ITIH2: variants seen among roughly 807,000 people sequenced by gnomAD.
The protein encoded by ITIH2 is inter-alpha-trypsin inhibitor heavy chain H2.
In ITIH2, 103 loss-of-function variants were observed where a neutral mutation model predicts 104.4. The observed-to-expected ratio is 0.99, with a 90% CI of 0.84 to 1.16. ITIH2 has a LOEUF of 1.16. Ranked by LOEUF, ITIH2 falls within the 50% of genes most tolerant of loss-of-function variation. The probability of loss-of-function intolerance (pLI) is 0.00; values close to 1 mark genes in which losing one functional copy is unlikely to be tolerated. For missense variants in ITIH2, 1,108 were observed against 1,162.4 expected (o/e 0.95, Z 0.68); for synonymous variants, 436 against 435.4 (o/e 1.00, Z -0.02).
chr10:7,705,506 G>C (rs1235970117), intron 2 of ITIH2, among the ~76,000 whole-genome samples: 2 of 152,008 alleles, frequency 1.3e-5, no homozygotes, highest in Non-Finnish European at 2.9e-5. Context: ...AGGAGTTCCA[G>C]ATCAGCCTGG....
At chr10:7,718,309 G>A (rs78124507) in intron 6 of ITIH2, among the ~76,000 whole-genome samples, 1,576 of 152,222 alleles carry the variant, frequency 0.01, 37 homozygotes, top group African/African-American at 0.035. Flanking sequence ...GGTCCACCAG[G>A]TAGTACAGGA....
rs1283303562 is a variant in ITIH2, at chr10:7,744,889, C to G, written c.2507C>G (p.Pro836Arg). The G allele has an allele frequency of 1.2e-6, 2 of 1,613,972 alleles. No individual in the cohort carries two copies. The highest frequency in any genetic ancestry group is 1.7e-6 in the Non-Finnish European group (2 of 1,179,976). The change falls in exon 19 of 21, where the codon CCC (proline) becomes CGC (arginine). Residue 836 changes from proline to arginine, a missense_variant. Pro to Arg is a moderately radical substitution (Grantham distance 103, BLOSUM62 -2). Transcript: ENST00000358415. ...VLLHRVWKKH[P>R]VNVDFLGIYI... ...CTTCATCGTGTTTGGAAGAAGCATC[C>G]CGTCAATGTTGACTTTCTGGGAATC...
Position 7,709,012 on chromosome 10 carries a change from C to A in ITIH2, c.193-10C>A, listed in dbSNP as rs752993313. 2 of 1,611,864 alleles carry A rather than the reference C, an allele frequency of 1.2e-6. No individual in the cohort carries two copies. Among genetic ancestry groups the A allele is most frequent in the Non-Finnish European group, 8.5e-7 (1 of 1,178,228 alleles). ...CTATCAGTACAGTTATGCTTTCTTG[C>A]CAATTTCAGGAAGAGGTTGATCAAG... On this transcript the variant is annotated splice_polypyrimidine_tract_variant and intron_variant, in intron 3 of 20. Transcript: ENST00000358415.
In ITIH2 at chr10:7,726,833, A is replaced by T. The variant is rs189665347; in HGVS notation, c.985-117A>T. 27 of 864,734 alleles carry T rather than the reference A, an allele frequency of 3.1e-5. No homozygotes were observed. The East Asian group carries it at 7.0e-4, about 22-fold the overall frequency. The allele number at this position is 864,734 out of a possible 1,614,324, so 53.6% of individuals were successfully genotyped here. A position where few individuals can be genotyped will look rare whatever the true frequency, so the allele number is the denominator to read the frequency against. On this transcript the variant is annotated intron_variant, in intron 9 of 20. Coordinates refer to ENST00000358415, the MANE Select transcript of ITIH2 (RefSeq NM_002216.3). ...AGGTGGGCTCAAGAGGTTTTCTGGA[A>T]GAAGTTTAGCTTGAGAAGAACTTGA...
At position 7,746,658 on chromosome 10, in the gene ITIH2, C is replaced by T. The variant is rs1835180840; in HGVS notation, c.2647C>T (p.Pro883Ser). The T allele has an allele frequency of 3.1e-6, 5 of 1,613,764 alleles. 1 individual carries two copies. The South Asian group carries it at 4.4e-5, about 14-fold the overall frequency. The change falls in exon 20 of 21, where the codon CCA (proline) becomes TCA (serine). Residue 883 changes from proline (P) to serine (S), a missense_variant. By Grantham distance (74) the Pro-to-Ser change is moderately conservative (BLOSUM62 -1). Coordinates refer to ENST00000358415, the MANE Select transcript of ITIH2 (RefSeq NM_002216.3). ...NERPGKDPEK[P>S]EASMEVKGQK... Reference sequence around the variant, plus strand: ...GAGACCAGGAAAGGACCCTGAGAAGCCAGAGGCCAGCATGGAAGTGAAGGG... The same window carrying T: ...GAGACCAGGAAAGGACCCTGAGAAGTCAGAGGCCAGCATGGAAGTGAAGGG...
intron 4 of ITIH2, among the ~76,000 whole-genome samples, chr10:7,711,434 G>A (rs563447468): frequency 6.6e-6 from 1 of 152,280 alleles, no homozygotes; most frequent in South Asian, 2.1e-4. Flanking sequence ...GAAGATACCT[G>A]CTTAATTATC....
At chr10:7,711,100 G>A (rs1048364830) in intron 4 of ITIH2, among the ~76,000 whole-genome samples, 7 of 151,834 alleles carry the variant, frequency 4.6e-5, no homozygotes, top group African/African-American at 1.2e-4. Context: ...GCCCCCTACC[G>A]CCCGACAGGA....
intron 11 of ITIH2, among the ~76,000 whole-genome samples, chr10:7,729,620 C>T (rs1265863648): frequency 3.3e-5 from 5 of 151,756 alleles, no homozygotes; most frequent in Admixed American, 3.3e-4. Flanking sequence ...GGTATACATA[C>T]ATAAGGAGTT....
At chr10:7,726,866 C>T (rs1834955209) in intron 9 of ITIH2, 84 bp from the exon 10 acceptor site, 1 of 1,164,846 alleles carries the variant, frequency 8.6e-7, no homozygotes, top group African/African-American at 1.6e-5. Context: ...TGAAAGATGA[C>T]CAGGATCAAT....
chr10:7,735,695 C>T (rs1226281332), intron 15 of ITIH2, among the ~76,000 whole-genome samples: 1 of 128,566 alleles, frequency 7.8e-6, no homozygotes, highest in Non-Finnish European at 1.6e-5. Flanking sequence ...TTTTTTGAGA[C>T]AGAGTCTTGC....
intron 4 of ITIH2, among the ~76,000 whole-genome samples, chr10:7,709,826 C>T (rs1319290257): frequency 6.6e-6 from 1 of 152,110 alleles, no homozygotes; most frequent in African/African-American, 2.4e-5. Flanking sequence ...TTGAAGTGTT[C>T]ATAGATGAAA....
In ITIH2 at chr10:7,703,349, G is replaced by C. The variant is rs1265030217; in HGVS notation, c.-86G>C. On this transcript the variant is annotated 5_prime_UTR_variant, in exon 1 of 21. Transcript: ENST00000358415. ...TTAAAGCGAACTGTACTCCTCTGCT[G>C]TTCCTTTGAACTTGGTTCAGTAGGA... is the stretch of plus-strand genomic sequence containing the variant. 4.6e-6 allele frequency: 4 copies of C among 866,462 alleles called. No homozygotes were observed. Among genetic ancestry groups the C allele is most frequent in the Non-Finnish European group, 5.9e-6 (3 of 505,730 alleles). 53.7% of individuals were successfully genotyped at this position (866,462 alleles called of 1,614,324 possible).
intron 4 of ITIH2, among the ~76,000 whole-genome samples, chr10:7,711,019 C>T (rs1834792401): frequency 7.3e-6 from 1 of 136,920 alleles, no homozygotes; most frequent in Admixed American, 7.7e-5. Flanking sequence ...TTTGCTGCAC[C>T]TATCATCCCA....
intron 9 of ITIH2, among the ~76,000 whole-genome samples, chr10:7,723,789 T>C (rs1408067901): frequency 6.6e-6 from 1 of 152,166 alleles, no homozygotes; most frequent in Non-Finnish European, 1.5e-5. Context: ...AAAATTCCCT[T>C]CCTTCTCTTC....
At position 7,709,861 on chromosome 10, in the gene ITIH2, C is replaced by CT. The variant is rs986695371; in HGVS notation, c.362+680dup. Among the ~76,000 whole-genome samples, 324 of 149,358 alleles carry CT rather than the reference C, an allele frequency of 2.2e-3. 4 individuals are homozygous for CT. The highest frequency in any genetic ancestry group is 7.4e-3 in the African/African-American group (304 of 40,942). On this transcript the variant is annotated intron_variant, in intron 4 of 20. Coordinates refer to ENST00000358415, the MANE Select transcript of ITIH2 (RefSeq NM_002216.3). Reference sequence around the variant, plus strand: ...ATGATGTGCCATCTGAGCTTGGCTTCTTTTTTTTTTGAGATGGAGTCTCGC... The same window carrying CT: ...ATGATGTGCCATCTGAGCTTGGCTTCTTTTTTTTTTTGAGATGGAGTCTCGC...
At chr10:7,713,566 T>C (rs1834817600) in intron 5 of ITIH2, among the ~76,000 whole-genome samples, 1 of 152,158 alleles carries the variant, frequency 6.6e-6, no homozygotes, top group African/African-American at 2.4e-5. Context: ...TTCTAAAGAG[T>C]GAAGAGAGAA....
intron 2 of ITIH2, 30 bp from the exon 3 acceptor site, chr10:7,707,171 G>T: frequency 6.4e-7 from 1 of 1,567,826 alleles, no homozygotes. Flanking sequence ...ACATACAGTT[G>T]AAGAATGATT....
At chr10:7,743,042 A>C in intron 16 of ITIH2, 104 bp from the exon 17 acceptor site, 1 of 668,478 alleles carries the variant, frequency 1.5e-6, no homozygotes, top group Non-Finnish European at 2.6e-6. Context: ...GAAGCACAAT[A>C]AATATTTGTT....
intron 14 of ITIH2, among the ~76,000 whole-genome samples, chr10:7,733,339 G>C (rs753459365): frequency 6.6e-6 from 1 of 151,386 alleles, no homozygotes; most frequent in Admixed American, 6.6e-5. Context: ...CTCATGACCC[G>C]CCTGCCTCGG....
Sources: gnomAD v4.1 joint callset for allele counts (sites outside exome capture counted in the v4.1 genomes callset) on GRCh38, gnomAD v4.1.1 for gene constraint, MANE v1.5 for transcripts, NCBI Gene and HGNC (gene_info 2026-07-23, HGNC 2026-07-21) for gene names.